CDH13: variants seen among roughly 807,000 people sequenced by gnomAD.
CDH13 encodes the protein cadherin 13, also known as cadherin-13.
Under a neutral mutation model 63.8 loss-of-function variants are expected in CDH13, and 24 were observed. That is an observed-to-expected ratio of 0.38 (90% CI 0.27 to 0.53). The LOEUF is 0.53. Among genes scored for constraint, CDH13 ranks in the 20% least tolerant of loss-of-function variants. The pLI is 0.85. For synonymous variants in CDH13, 503 were observed against 355.3 expected (o/e 1.42, Z -4.67); for missense variants, 1,049 against 903.1 (o/e 1.16, Z -2.07).
At chr16:82,799,949 G>A (rs531924850) in intron 1 of CDH13, among the ~76,000 whole-genome samples, 15 of 152,252 alleles carry the variant, frequency 9.9e-5, no homozygotes, top group Admixed American at 3.9e-4. Context: ...GAACCACTGC[G>A]TTATCATGAT....
At chr16:82,963,459 C>G (rs932912867) in intron 2 of CDH13, among the ~76,000 whole-genome samples, 1 of 152,130 alleles carries the variant, frequency 6.6e-6, no homozygotes, top group Non-Finnish European at 1.5e-5. Flanking sequence ...TGATCCCTGT[C>G]CCCTACGTCC....
At chr16:83,312,256 C>G (rs2090017462) in intron 5 of CDH13, among the ~76,000 whole-genome samples, 2 of 152,206 alleles carry the variant, frequency 1.3e-5, no homozygotes, top group South Asian at 2.1e-4. Context: ...CGGACCAGCT[C>G]ACAGTACTGC....
intron 5 of CDH13, among the ~76,000 whole-genome samples, chr16:83,314,045 T>TA (rs1289627081): frequency 2.6e-5 from 4 of 152,232 alleles, no homozygotes; most frequent in Admixed American, 2.0e-4. Context: ...CTTAAACTCT[T>TA]ACACTGTGTA....
chr16:83,658,805 C>G (rs1481246080), intron 8 of CDH13, among the ~76,000 whole-genome samples: 1 of 145,160 alleles, frequency 6.9e-6, no homozygotes, highest in Non-Finnish European at 1.5e-5. Flanking sequence ...ACCACCAGGT[C>G]CCATATCCTC....
At chr16:82,999,452 A>G (rs1020013176) in intron 2 of CDH13, among the ~76,000 whole-genome samples, 1 of 152,260 alleles carries the variant, frequency 6.6e-6, no homozygotes, top group Non-Finnish European at 1.5e-5. Context: ...ACACATGTTT[A>G]TATATATAGA....
chr16:83,447,381 C>T (rs997154342), intron 6 of CDH13, among the ~76,000 whole-genome samples: 1 of 151,964 alleles, frequency 6.6e-6, no homozygotes, highest in Non-Finnish European at 1.5e-5. Flanking sequence ...CGCCACTGCA[C>T]TCCAGCCTGG....
chr16:83,236,543 A>G (rs1318117330), intron 5 of CDH13, among the ~76,000 whole-genome samples: 1 of 152,192 alleles, frequency 6.6e-6, no homozygotes, highest in Admixed American at 6.5e-5. Flanking sequence ...GAGATTTGTG[A>G]TGGATGCCAA....
chr16:83,157,754 A>G (rs947001722), intron 4 of CDH13, among the ~76,000 whole-genome samples: 1 of 151,130 alleles, frequency 6.6e-6, no homozygotes, highest in Admixed American at 6.6e-5. Flanking sequence ...AAAAAAAAAA[A>G]AAAAAAAAAT....
intron 2 of CDH13, chr16:82,884,233 AG>A (rs1284362407): frequency 2.2e-6 from 1 of 455,630 alleles, no homozygotes; most frequent in African/African-American, 2.0e-5. Context: ...CACTTTTAAA[AG>A]CCTGGGCTCC....
rs537007264 is a variant in CDH13 at position 83,537,526 on chromosome 16, A to T, written c.960+50871A>T. Among the ~76,000 whole-genome samples the T allele has an allele frequency of 3.2e-4, 49 of 152,250 alleles. No individual in the cohort carries two copies. In the East Asian group the frequency reaches 8.7e-3, roughly 27 times the overall value. The stretch of plus-strand genomic sequence containing the variant: ...GGAATATGAGGGAGATAGGAAGAAA[A>T]GGAAAAGGAACCATTTGCTCACACT... On this transcript the variant is annotated intron_variant, in intron 7 of 13. Transcript: ENST00000567109.
intron 2 of CDH13, among the ~76,000 whole-genome samples, chr16:82,892,259 C>A (rs986635396): frequency 6.6e-6 from 1 of 152,174 alleles, no homozygotes; most frequent in Non-Finnish European, 1.5e-5. Context: ...ACGTACAAAA[C>A]ACTCAATAAG....
intron 10 of CDH13, among the ~76,000 whole-genome samples, chr16:83,728,139 C>T (rs777745786): frequency 6.6e-6 from 1 of 152,134 alleles, no homozygotes; most frequent in Non-Finnish European, 1.5e-5. Context: ...AACAGCACCG[C>T]GGGCAGGCTT....
rs542715718 is a variant in CDH13 at position 83,486,526 on chromosome 16, C to A, written c.831C>A (p.Thr277=). The change falls in exon 7 of 14, where the codon ACC becomes ACA. Residue 277 remains threonine (T), a synonymous_variant. Coordinates refer to ENST00000567109, the MANE Select transcript of CDH13 (RefSeq NM_001257.5). ...MTAFDADDPA[T]DNALLRYNIR... The stretch of plus-strand genomic sequence containing the variant: ...CCTTTGATGCAGATGACCCAGCCAC[C>A]GATAATGCCCTCCTGCGGTATAATA... The A allele has an allele frequency of 1.2e-6, 2 of 1,613,820 alleles. No homozygotes were observed. The highest frequency in any genetic ancestry group is 1.7e-6 in the Non-Finnish European group (2 of 1,179,820).
chr16:82,738,319 G>A (rs917187533), intron 1 of CDH13, among the ~76,000 whole-genome samples: 22 of 152,278 alleles, frequency 1.4e-4, no homozygotes, highest in South Asian at 2.1e-4. Context: ...TGGCTTTACC[G>A]TGCACGGAGG....
chr16:83,309,292 G>A lies in CDH13; in HGVS notation c.637-35570G>A, dbSNP rs118148098. ...GGATCTTTGGGAAAAGATCTATATCGAAGTCAGATTTATATGGTGAGAGCA... is the reference window on the plus strand; with the variant it reads ...GGATCTTTGGGAAAAGATCTATATCAAAGTCAGATTTATATGGTGAGAGCA... On this transcript the variant is annotated intron_variant, in intron 5 of 13. Transcript: ENST00000567109. Among the ~76,000 whole-genome samples the A allele has an allele frequency of 8.0e-3, 1,222 of 152,234 alleles. 10 individuals carry two copies. Among genetic ancestry groups the A allele is most frequent in the Middle Eastern group, 0.031 (9 of 292 alleles).
intron 6 of CDH13, among the ~76,000 whole-genome samples, chr16:83,390,230 A>C (rs770889551): frequency 6.6e-6 from 1 of 152,158 alleles, no homozygotes; most frequent in Non-Finnish European, 1.5e-5. Context: ...TGCATACATT[A>C]TGGGGTCTGT....
intron 1 of CDH13, among the ~76,000 whole-genome samples, chr16:82,731,422 T>C (rs1472945903): frequency 1.3e-5 from 2 of 152,226 alleles, no homozygotes; most frequent in Non-Finnish European, 2.9e-5. Context: ...AGAATGCAAA[T>C]TAAATTTTAA....
At chr16:83,056,786 G>A (rs578031816) in intron 3 of CDH13, among the ~76,000 whole-genome samples, 26 of 151,724 alleles carry the variant, frequency 1.7e-4, no homozygotes, top group South Asian at 1.3e-3. Flanking sequence ...TGCTGTTCTC[G>A]TGATAGTGAA....
In CDH13 at chr16:82,878,902, C is replaced by T. The variant is rs375492356; in HGVS notation, c.157+20429C>T. ...AGCATTTTCAAAGGCAGCAGGCAGG[C>T]TTTTCAATGCTGCATGAGATCCTCA... On this transcript the variant is annotated intron_variant, in intron 2 of 13. Coordinates refer to ENST00000567109, the MANE Select transcript of CDH13 (RefSeq NM_001257.5). Among the ~76,000 whole-genome samples, 7 of 152,104 alleles carry T rather than the reference C, an allele frequency of 4.6e-5. 1 individual carries two copies. In the East Asian group the frequency reaches 5.8e-4, roughly 13 times the overall value.
Sources: gnomAD v4.1 joint callset for allele counts (sites outside exome capture counted in the v4.1 genomes callset) on GRCh38, gnomAD v4.1.1 for gene constraint, MANE v1.5 for transcripts, NCBI Gene and HGNC (gene_info 2026-07-23, HGNC 2026-07-21) for gene names.